The following CCDC30 variants were observed in gnomAD, a reference collection of about 807,000 sequenced individuals.
The protein encoded by CCDC30 is coiled-coil domain containing 30, also known as coiled-coil domain-containing protein 30.
CCDC30 carries 70 observed loss-of-function variants against 100.2 expected under a neutral mutation model. The ratio of observed to expected loss-of-function variants is 0.70; its 90% CI spans 0.58 to 0.85. CCDC30 has a LOEUF of 0.85. Among genes scored for constraint, CCDC30 ranks in the 40% least tolerant of loss-of-function variants. The probability of loss-of-function intolerance (pLI) is 0.00; values close to 1 mark genes in which losing one functional copy is unlikely to be tolerated. For synonymous variants in CCDC30, 233 were observed against 269.5 expected (o/e 0.86, Z 1.33); for missense variants, 652 against 771.2 (o/e 0.85, Z 1.83).
intron 10 of CCDC30, among the ~76,000 whole-genome samples, chr1:42,605,016 AG>A (rs1290771647): frequency 1.3e-5 from 2 of 152,226 alleles, no homozygotes; most frequent in African/African-American, 4.8e-5. Context: ...TTAGTCCTAC[AG>A]TCATTGTCAT....
At chr1:42,646,943 C>CA (rs1286017994) in intron 15 of CCDC30, among the ~76,000 whole-genome samples, 1 of 151,710 alleles carries the variant, frequency 6.6e-6, no homozygotes, top group Non-Finnish European at 1.5e-5. Context: ...ACTAAAAATA[C>CA]AAAAAAATTA....
rs572259240 is a variant in CCDC30, at chr1:42,502,591, C to T, written c.456+3675C>T. On this transcript the variant is annotated intron_variant, in intron 6 of 16. Coordinates refer to ENST00000668663, the Ensembl canonical transcript of CCDC30. ...GCTGTAGACTGGAGCTGTTCCTATTCGGCCATCTTGGAACCTCCCTCGTGA... is the reference window on the plus strand; with the variant it reads ...GCTGTAGACTGGAGCTGTTCCTATTTGGCCATCTTGGAACCTCCCTCGTGA... 6.6e-5 allele frequency among the ~76,000 whole-genome samples: 10 copies of T among 152,278 alleles called. No individual in the cohort carries two copies. In the East Asian group the frequency reaches 1.4e-3, roughly 21 times the overall value.
At chr1:42,622,133 C>G (rs892537957) in intron 11 of CCDC30, among the ~76,000 whole-genome samples, 71 of 152,278 alleles carry the variant, frequency 4.7e-4, no homozygotes, top group Non-Finnish European at 1.2e-4. Flanking sequence ...CTCTCTATCT[C>G]CATGAGTTGA....
chr1:42,480,531 C>T lies in CCDC30; in HGVS notation c.-21C>T, dbSNP rs143850732. 5.6e-4 allele frequency: 441 copies of T among 785,096 alleles called. 3 individuals are homozygous for T. The African/African-American group carries it at 7.8e-3, about 14-fold the overall frequency. 48.6% of individuals were successfully genotyped at this position (785,096 alleles called of 1,614,324 possible). ...CTCAACCTCCTGGGCTCAAGTAATC[C>T]TCCTGTCTTGTCCTCCCAAAATGCT... On this transcript the variant is annotated 5_prime_UTR_variant, in exon 2 of 17. Transcript: ENST00000668663.
intron 6 of CCDC30, among the ~76,000 whole-genome samples, chr1:42,551,742 G>GGTGT (rs34048456): frequency 0.13 from 19,221 of 144,412 alleles, 1,398 homozygotes; most frequent in Middle Eastern, 0.22. Flanking sequence ...GATAAATTCT[G>GGTGT]GTGTGTGTGT....
At chr1:42,508,374 A>G (rs1644427310) in intron 6 of CCDC30, among the ~76,000 whole-genome samples, 1 of 152,140 alleles carries the variant, frequency 6.6e-6, no homozygotes, top group Non-Finnish European at 1.5e-5. Context: ...TTATCCCTTA[A>G]TTTGGGGTGG....
intron 6 of CCDC30, among the ~76,000 whole-genome samples, chr1:42,520,339 T>C (rs1238544161): frequency 6.7e-6 from 1 of 148,546 alleles, no homozygotes; most frequent in African/African-American, 2.5e-5. Context: ...TCTTTTCTCT[T>C]TTTTTTTTTT....
chr1:42,518,302 T>C (rs1030983838), intron 6 of CCDC30, among the ~76,000 whole-genome samples: 10 of 152,164 alleles, frequency 6.6e-5, no homozygotes, highest in African/African-American at 1.9e-4. Flanking sequence ...AACTAATTTA[T>C]GTGTGTTGAC....
At chr1:42,507,314 C>T (rs567083466) in intron 6 of CCDC30, among the ~76,000 whole-genome samples, 1 of 152,290 alleles carries the variant, frequency 6.6e-6, no homozygotes, top group South Asian at 2.1e-4. Flanking sequence ...CCTTTTGTAA[C>T]CCTTTTGCTG....
At chr1:42,477,151 G>C (rs1643892576) in intron 1 of CCDC30, among the ~76,000 whole-genome samples, 1 of 151,918 alleles carries the variant, frequency 6.6e-6, no homozygotes, top group Non-Finnish European at 1.5e-5. Context: ...TTCTCAGTAG[G>C]AAGGTTGTTC....
chr1:42,460,440 C>T (rs1404238641), upstream of CCDC30: 5 of 948,954 alleles, frequency 5.3e-6, no homozygotes, highest in East Asian at 3.5e-4. Flanking sequence ...TGAAATTTAT[C>T]AAATATAGTA....
intron 6 of CCDC30, among the ~76,000 whole-genome samples, chr1:42,515,207 C>A (rs1213177615): frequency 3.4e-3 from 463 of 136,412 alleles, no homozygotes; most frequent in Admixed American, 3.4e-3. Flanking sequence ...AGCTGCAAGC[C>A]AAAAAAAAAA....
chr1:42,465,065 T>C (rs1643527354), intron 1 of CCDC30, among the ~76,000 whole-genome samples: 1 of 152,232 alleles, frequency 6.6e-6, no homozygotes, highest in Non-Finnish European at 1.5e-5. Flanking sequence ...TCCTTTCCTC[T>C]TCTAATATGT....
At chr1:42,598,880 G>T (rs1401092780) in intron 10 of CCDC30, among the ~76,000 whole-genome samples, 1 of 152,108 alleles carries the variant, frequency 6.6e-6, no homozygotes, top group East Asian at 1.9e-4. Context: ...GGGCAACATA[G>T]TGAGACTCTG....
At chr1:42,541,541 G>C (rs12561879) in intron 6 of CCDC30, among the ~76,000 whole-genome samples, 20,730 of 152,154 alleles carry the variant, frequency 0.14, 1,557 homozygotes, top group East Asian at 0.19. Flanking sequence ...ATTTTATCAG[G>C]AGACATGACA....
intron 11 of CCDC30, among the ~76,000 whole-genome samples, chr1:42,624,760 T>C (rs1187495627): frequency 1.3e-5 from 2 of 152,254 alleles, no homozygotes; most frequent in Admixed American, 1.3e-4. Context: ...ATTGCAGACA[T>C]GAGTCCACTG....
intron 3 of CCDC30, among the ~76,000 whole-genome samples, chr1:42,487,083 C>T (rs1013218717): frequency 7.0e-6 from 1 of 142,824 alleles, no homozygotes; most frequent in African/African-American, 2.6e-5. Flanking sequence ...TTGAGTCCAA[C>T]CTGAGCAACA....
At position 42,536,431 on chromosome 1, in the gene CCDC30, A is replaced by T. The variant is rs140739574; in HGVS notation, c.457-29865A>T. The T allele has an allele frequency of 1.4e-3, 1,684 of 1,193,642 alleles. 11 individuals are homozygous for T. The highest frequency in any genetic ancestry group is 0.013 in the African/African-American group (823 of 64,836). 73.9% of individuals were successfully genotyped at this position (1,193,642 alleles called of 1,614,324 possible). On this transcript the variant is annotated intron_variant, in intron 6 of 16. Transcript: ENST00000668663. ...GTTATTATCAGAATTTGTAGGAAAC[A>T]CTGCTATTATATATAAAATTAATTA...
chr1:42,640,819 A>C (rs983959393), intron 12 of CCDC30, among the ~76,000 whole-genome samples: 1 of 151,964 alleles, frequency 6.6e-6, no homozygotes, highest in Admixed American at 6.6e-5. Flanking sequence ...GCTTGAACCC[A>C]GCGGGCAGAG....
Sources: allele counts gnomAD v4.1 joint callset (sites outside exome capture counted in the v4.1 genomes callset), GRCh38; gene constraint gnomAD v4.1.1; transcripts MANE v1.5; gene names NCBI Gene and HGNC (gene_info 2026-07-23, HGNC 2026-07-21).